ROBO2: variants seen among roughly 807,000 people sequenced by gnomAD.
ROBO2 encodes the protein roundabout guidance receptor 2.
In ROBO2, 53 loss-of-function variants were observed where a neutral mutation model predicts 160.8. The ratio of observed to expected loss-of-function variants is 0.33; its 90% confidence interval spans 0.26 to 0.41. The LOEUF (loss-of-function observed/expected upper bound fraction) is 0.41. Ranked by LOEUF, ROBO2 falls within the 10% of genes least tolerant of loss-of-function variation. The pLI, the probability that ROBO2 is intolerant of heterozygous loss-of-function variation, is 1.00. For missense variants in ROBO2, 1,577 were observed against 1,722.4 expected (o/e 0.92, Z 1.49); for synonymous variants, 664 against 611.7 (o/e 1.09, Z -1.26).
chr3:77,544,092 C>T (rs774417932), intron 6 of ROBO2, among the ~76,000 whole-genome samples: 63 of 137,116 alleles, frequency 4.6e-4, no homozygotes, highest in Non-Finnish European at 7.0e-4. Flanking sequence ...TTGCAGATGA[C>T]GGAAACAAAC....
chr3:77,348,029 T>G (rs2067865651), intron 2 of ROBO2, among the ~76,000 whole-genome samples: 1 of 152,108 alleles, frequency 6.6e-6, no homozygotes, highest in Admixed American at 6.6e-5. Flanking sequence ...AAGCCCAGGA[T>G]TTTTGATTTT....
chr3:76,023,481 A>G (rs1203390651), intron 2 of ROBO2, among the ~76,000 whole-genome samples: 1 of 151,586 alleles, frequency 6.6e-6, no homozygotes, highest in African/African-American at 2.4e-5. Context: ...GTTGTGTCTC[A>G]GCGAATAGTG....
chr3:76,034,661 T>A (rs1416321035), intron 2 of ROBO2, among the ~76,000 whole-genome samples: 1 of 152,114 alleles, frequency 6.6e-6, no homozygotes, highest in Admixed American at 6.5e-5. Context: ...TACAGTAACT[T>A]CTTCTTGTCT....
intron 2 of ROBO2, among the ~76,000 whole-genome samples, chr3:76,622,782 T>A (rs1434278599): frequency 1.3e-5 from 2 of 152,172 alleles, no homozygotes; most frequent in Admixed American, 6.5e-5. Context: ...CTTCTATGTA[T>A]ACTTTATTAC....
intron 2 of ROBO2, among the ~76,000 whole-genome samples, chr3:77,254,634 A>G (rs1353164332): frequency 6.6e-6 from 1 of 152,112 alleles, no homozygotes; most frequent in African/African-American, 2.4e-5. Flanking sequence ...TTTTATTATA[A>G]GTTGTGTTTA....
intron 2 of ROBO2, among the ~76,000 whole-genome samples, chr3:76,583,363 C>T (rs1161436815): frequency 6.6e-6 from 1 of 152,132 alleles, no homozygotes; most frequent in African/African-American, 2.4e-5. Flanking sequence ...AAATTGTTCC[C>T]CATAGCTCTG....
intron 2 of ROBO2, among the ~76,000 whole-genome samples, chr3:76,582,391 A>G (rs192118373): frequency 6.6e-6 from 1 of 152,234 alleles, no homozygotes; most frequent in Admixed American, 6.5e-5. Flanking sequence ...GGAGAATTCA[A>G]TTTTTCAAAA....
At chr3:76,264,000 A>G (rs189628207) in intron 2 of ROBO2, among the ~76,000 whole-genome samples, 2 of 152,296 alleles carry the variant, frequency 1.3e-5, no homozygotes, top group East Asian at 1.9e-4. Context: ...GTTCTCACTC[A>G]TAAGTGGCAG....
At chr3:77,642,645 T>C in intron 24 of ROBO2, 26 bp from the exon 26 acceptor site, 1 of 451,298 alleles carries the variant, frequency 2.2e-6, no homozygotes. Flanking sequence ...TTTTAGTCCA[T>C]TCTAAACATT....
intron 2 of ROBO2, among the ~76,000 whole-genome samples, chr3:76,542,717 A>T (rs2082885401): frequency 6.6e-6 from 1 of 152,154 alleles, no homozygotes. Context: ...CTTGAAAGGA[A>T]TAATCCACAC....
chr3:76,114,830 C>T (rs1195839003), intron 2 of ROBO2, among the ~76,000 whole-genome samples: 1 of 152,160 alleles, frequency 6.6e-6, no homozygotes, highest in Non-Finnish European at 1.5e-5. Context: ...GGTGCTACTG[C>T]AGATACTGAA....
At chr3:77,451,718 T>G (rs1227804468) in intron 2 of ROBO2, among the ~76,000 whole-genome samples, 1 of 152,034 alleles carries the variant, frequency 6.6e-6, no homozygotes, top group Non-Finnish European at 1.5e-5. Flanking sequence ...TACTCTTTCT[T>G]TTTTTTGTGT....
At chr3:77,289,931 T>A (rs1468682149) in intron 2 of ROBO2, among the ~76,000 whole-genome samples, 1 of 152,066 alleles carries the variant, frequency 6.6e-6, no homozygotes, top group Non-Finnish European at 1.5e-5. Flanking sequence ...AATTGATGGT[T>A]AAACGGGTAA....
chr3:76,447,166 A>C (rs2077225766), intron 2 of ROBO2, among the ~76,000 whole-genome samples: 1 of 152,224 alleles, frequency 6.6e-6, no homozygotes, highest in African/African-American at 2.4e-5. Context: ...CATATCCAGA[A>C]TCTACAATGA....
At position 76,530,461 on chromosome 3, in the gene ROBO2, T is replaced by C. The variant is rs995864989; in HGVS notation, c.110-567553T>C. On this transcript the variant is annotated intron_variant, in intron 2 of 26. Coordinates refer to the ROBO2 transcript ENST00000487694. ...GCATCTCCAGCTCAGAACAGAAAAC[T>C]ATGTTCTCCCTCCTGTGTGATGACA... is the stretch of plus-strand genomic sequence containing the variant. Among the ~76,000 whole-genome samples the C allele has an allele frequency of 4.6e-5, 7 of 152,286 alleles. No individual in the cohort carries two copies. The South Asian group carries it at 1.2e-3, about 27-fold the overall frequency.
chr3:77,192,378 C>T (rs545956430), intron 2 of ROBO2, among the ~76,000 whole-genome samples: 4 of 152,128 alleles, frequency 2.6e-5, no homozygotes, highest in East Asian at 1.9e-4. Context: ...TCTACTTTGC[C>T]ATGTTTTTTA....
chr3:77,284,732 C>A (rs2060469200), intron 2 of ROBO2, among the ~76,000 whole-genome samples: 1 of 152,056 alleles, frequency 6.6e-6, no homozygotes, highest in Admixed American at 6.6e-5. Flanking sequence ...CTCTAATCCT[C>A]TCTTTCTTAC....
intron 2 of ROBO2, among the ~76,000 whole-genome samples, chr3:76,835,620 G>A (rs2067622298): frequency 6.6e-6 from 1 of 151,410 alleles, no homozygotes; most frequent in Admixed American, 6.6e-5. Context: ...ACTTTCTCCA[G>A]GTACCAAATA....
intron 2 of ROBO2, among the ~76,000 whole-genome samples, chr3:76,065,908 G>A (rs1224504495): frequency 2.0e-5 from 3 of 151,782 alleles, no homozygotes; most frequent in Admixed American, 6.6e-5. Context: ...CCATGGCAGT[G>A]CAGATGATAA....
Sources: gnomAD v4.1 joint callset for allele counts (sites outside exome capture counted in the v4.1 genomes callset) on GRCh38, gnomAD v4.1.1 for gene constraint, MANE v1.5 for transcripts, NCBI Gene and HGNC (gene_info 2026-07-23, HGNC 2026-07-21) for gene names.